Variants in CDK7 observed in about 807,000 individuals in gnomAD.
CDK7 encodes cyclin-dependent kinase 7.
In CDK7, 25 loss-of-function variants were observed where a neutral mutation model predicts 49.1. That is an observed-to-expected ratio of 0.51 (90% CI 0.37 to 0.71). CDK7 has a LOEUF of 0.71. CDK7 is among the 30% of genes least tolerant of loss of function. The pLI is 0.00. For missense variants in CDK7, 316 were observed against 411.7 expected (o/e 0.77, Z 2.01); for synonymous variants, 107 against 140.0 (o/e 0.76, Z 1.67).
intron 7 of CDK7, among the ~76,000 whole-genome samples, chr5:69,261,775 C>T (rs7707153): frequency 0.32 from 49,020 of 151,786 alleles, 10,059 homozygotes; most frequent in African/African-American, 0.58. Flanking sequence ...GTGATCCGCC[C>T]GCCTCGGCCT....
rs1279545525 is a variant in CDK7, at chr5:69,277,191, T to G, written c.*56T>G. ...GGGAAATAGCCAAAAAGGCAAATAATGGAAAAATAGTAAACATTAAGTAAA... is the reference window on the plus strand; with the variant it reads ...GGGAAATAGCCAAAAAGGCAAATAAGGGAAAAATAGTAAACATTAAGTAAA... On this transcript the variant is annotated 3_prime_UTR_variant, in exon 12 of 12. Coordinates refer to ENST00000256443, the MANE Select transcript of CDK7 (RefSeq NM_001799.4). The G allele has an allele frequency of 7.6e-7, 1 of 1,321,624 alleles. No individual in the cohort carries two copies. The highest frequency in any genetic ancestry group is 2.4e-5 in the East Asian group (1 of 42,206). The allele number at this position is 1,321,624 out of a possible 1,614,324, so 81.9% of individuals were successfully genotyped here.
At chr5:69,256,343 GTTTGTT>G (rs1750489572) in intron 5 of CDK7, among the ~76,000 whole-genome samples, 1 of 151,906 alleles carries the variant, frequency 6.6e-6, no homozygotes, top group South Asian at 2.1e-4. Flanking sequence ...AAGTTTTTTT[GTTTGTT>G]TTTGTTTTTG....
chr5:69,268,828 CTG>C (rs1467260475), intron 8 of CDK7, among the ~76,000 whole-genome samples: 1 of 87,832 alleles, frequency 1.1e-5, no homozygotes, highest in Non-Finnish European at 2.1e-5. Context: ...CAGAGCGAGA[CTG>C]TCTCAAAAAA....
At chr5:69,250,893 A>G in intron 2 of CDK7, 1 of 456,324 alleles carries the variant, frequency 2.2e-6, no homozygotes, top group East Asian at 6.9e-5. Flanking sequence ...TGAGCAAATC[A>G]TGAATCCTAA....
chr5:69,263,254 G>GT (rs139659382), intron 8 of CDK7, among the ~76,000 whole-genome samples: 1 of 152,048 alleles, frequency 6.6e-6, no homozygotes, highest in Admixed American at 6.6e-5. Context: ...TCTGAAGCTA[G>GT]TTTTTTTCTC....
chr5:69,243,629 C>T (rs72767851), intron 2 of CDK7, among the ~76,000 whole-genome samples: 2,920 of 151,972 alleles, frequency 0.019, 30 homozygotes, highest in Middle Eastern at 0.062. Context: ...CTTTGTGGTT[C>T]TACACAAATT....
At chr5:69,269,632 C>T (rs1277037788) in intron 9 of CDK7, among the ~76,000 whole-genome samples, 1 of 151,976 alleles carries the variant, frequency 6.6e-6, no homozygotes, top group Non-Finnish European at 1.5e-5. Flanking sequence ...AAAATGGGTT[C>T]ACGTCGTATA....
At chr5:69,277,056 C>T (rs753976030) in intron 11 of CDK7, 51 bp from the exon 12 acceptor site, 3 of 1,500,012 alleles carry the variant, frequency 2.0e-6, no homozygotes, top group South Asian at 1.3e-5. Flanking sequence ...AGAATGTGAA[C>T]TTTGTTAAAT....
chr5:69,265,467 G>A (rs549183245), intron 8 of CDK7, among the ~76,000 whole-genome samples: 45 of 152,222 alleles, frequency 3.0e-4, no homozygotes, highest in African/African-American at 1.0e-3. Context: ...TAAAGTATTA[G>A]GGAAAAAGAA....
chr5:69,260,306 C>A (rs567248192), intron 7 of CDK7, among the ~76,000 whole-genome samples: 25 of 151,962 alleles, frequency 1.6e-4, no homozygotes, highest in Non-Finnish European at 2.9e-4. Context: ...GCAGAGATTG[C>A]ACCACCGCAC....
At chr5:69,238,667 T>TA (rs906178487) in intron 2 of CDK7, among the ~76,000 whole-genome samples, 12 of 150,682 alleles carry the variant, frequency 8.0e-5, no homozygotes, top group African/African-American at 1.2e-4. Flanking sequence ...TATTTTATTT[T>TA]TTTTTTTGAG....
At position 69,269,383 on chromosome 5, in the gene CDK7, A is replaced by C; in HGVS notation, c.714+90A>C. On this transcript the variant is annotated intron_variant, in intron 9 of 11. Transcript: ENST00000256443. ...TACTTTATATAGTGCTGTCACGTGAATATTAAAGACATTCATTATAATATG... is the reference window on the plus strand; with the variant it reads ...TACTTTATATAGTGCTGTCACGTGACTATTAAAGACATTCATTATAATATG... 4 of 776,746 alleles carry C rather than the reference A, an allele frequency of 5.1e-6. No individual in the cohort carries two copies. In the South Asian group the frequency reaches 5.6e-5, roughly 11 times the overall value. 48.1% of individuals were successfully genotyped at this position (776,746 alleles called of 1,614,324 possible).
chr5:69,238,453 T>G (rs1161884093), intron 2 of CDK7, among the ~76,000 whole-genome samples: 1 of 151,690 alleles, frequency 6.6e-6, no homozygotes, highest in Non-Finnish European at 1.5e-5. Context: ...CCCCACTAAA[T>G]TTGTTGTTCT....
intron 2 of CDK7, among the ~76,000 whole-genome samples, chr5:69,241,362 CCAGGCTGGAGTG>C (rs1749372657): frequency 7.6e-6 from 1 of 132,022 alleles, no homozygotes; most frequent in Non-Finnish European, 1.5e-5. Context: ...GCTCTGTCAC[CCAGGCTGGAGTG>C]CAGTGGCGCA....
chr5:69,276,510 C>T, intron 10 of CDK7, 33 bp from the exon 11 acceptor site: 1 of 1,603,038 alleles, frequency 6.2e-7, no homozygotes, highest in Non-Finnish European at 8.5e-7. Context: ...AGATACTCAC[C>T]TACCTTACTT....
intron 4 of CDK7, 119 bp downstream of exon 4, chr5:69,254,788 G>C: frequency 1.6e-6 from 1 of 629,362 alleles, no homozygotes; most frequent in Non-Finnish European, 2.9e-6. Context: ...GAAGCTTAAA[G>C]GAAATACATT....
chr5:69,261,333 T>C (rs552291813), intron 7 of CDK7, among the ~76,000 whole-genome samples: 2 of 152,310 alleles, frequency 1.3e-5, no homozygotes, highest in South Asian at 2.1e-4. Context: ...TTTCTCATAT[T>C]TTCTCTGTCT....
chr5:69,268,850 A>AAAC (rs1554066396), intron 8 of CDK7, among the ~76,000 whole-genome samples: 1 of 148,582 alleles, frequency 6.7e-6, no homozygotes, highest in Admixed American at 6.7e-5. Context: ...AAAAAAAAAA[A>AAAC]CCCATCTCTA....
intron 10 of CDK7, 151 bp from the exon 11 acceptor site, chr5:69,276,392 T>C: frequency 6.0e-6 from 4 of 671,260 alleles, no homozygotes; most frequent in Non-Finnish European, 7.8e-6. Context: ...GTAATTTCCA[T>C]TTGCAAATAC....
Sources: gnomAD v4.1 joint callset for allele counts (sites outside exome capture counted in the v4.1 genomes callset) on GRCh38, gnomAD v4.1.1 for gene constraint, MANE v1.5 for transcripts, NCBI Gene and HGNC (gene_info 2026-07-23, HGNC 2026-07-21) for gene names.